The following TLR5 variants were observed in gnomAD, a reference collection of about 807,000 sequenced individuals.
The protein encoded by TLR5 is toll like receptor 5.
For synonymous variants in TLR5, 373 were observed against 384.4 expected, an observed-to-expected ratio of 0.97 and a Z score of 0.35; for missense variants, 944 against 999.8, an observed-to-expected ratio of 0.94 and a Z score of 0.75.
chr1:223,133,235 G>C (rs1432759644), intron 4 of TLR5, among the ~76,000 whole-genome samples: 1 of 152,216 alleles, frequency 6.6e-6, no homozygotes, highest in African/African-American at 2.4e-5. Context: ...GAGAGGTTAA[G>C]CACTTGTCTA....
rs1657233124 is a variant in TLR5 at position 223,127,871 on chromosome 1, TG to T, written c.-5+4603del. Reference sequence around the variant, plus strand: ...TGGAGCTCTGCAGACTCCAGAGCAGTGGTGCCCACAGTGCAGTCCGGGAACA... The same window carrying T: ...TGGAGCTCTGCAGACTCCAGAGCAGTGTGCCCACAGTGCAGTCCGGGAACA... On this transcript the variant is annotated intron_variant, in intron 5 of 5. Coordinates refer to ENST00000642603, the MANE Select transcript of TLR5 (RefSeq NM_003268.6). The T allele has an allele frequency of 2.6e-5, 4 of 152,564 alleles. No individual in the cohort carries two copies. In the South Asian group the frequency reaches 6.2e-4, roughly 24 times the overall value. The allele number at this position is 152,564 out of a possible 1,614,324, so 9.5% of individuals were successfully genotyped here.
chr1:223,113,657 G>A (rs1044003197), intron 5 of TLR5, among the ~76,000 whole-genome samples: 2 of 151,732 alleles, frequency 1.3e-5, no homozygotes, highest in Non-Finnish European at 2.9e-5. Flanking sequence ...TGGGGGTCTC[G>A]CTTTGTTGCC....
At chr1:223,122,039 G>C (rs1222608102) in intron 5 of TLR5, among the ~76,000 whole-genome samples, 2 of 152,128 alleles carry the variant, frequency 1.3e-5, no homozygotes, top group East Asian at 3.9e-4. Flanking sequence ...AAACCAATCA[G>C]GGCAGATGAG....
At chr1:223,113,908 A>G (rs1656497856) in intron 5 of TLR5, among the ~76,000 whole-genome samples, 1 of 152,224 alleles carries the variant, frequency 6.6e-6, no homozygotes, top group African/African-American at 2.4e-5. Context: ...AGCCCACAGA[A>G]AGCTCGGCTG....
At chr1:223,117,578 A>AG (rs1013268577) in intron 5 of TLR5, among the ~76,000 whole-genome samples, 6 of 151,620 alleles carry the variant, frequency 4.0e-5, no homozygotes, top group African/African-American at 1.5e-4. Context: ...AAAAAAAAAA[A>AG]AAAAAGAAAA....
At chr1:223,135,211 G>A (rs989433643) in intron 3 of TLR5, among the ~76,000 whole-genome samples, 2 of 152,194 alleles carry the variant, frequency 1.3e-5, no homozygotes, top group African/African-American at 4.8e-5. Context: ...GGATGAGGAT[G>A]CCCTGAGAGG....
intron 5 of TLR5, among the ~76,000 whole-genome samples, chr1:223,125,419 C>T (rs750957422): frequency 4.7e-4 from 71 of 152,182 alleles, no homozygotes; most frequent in Non-Finnish European, 6.0e-4. Context: ...CTAACGAGCT[C>T]AGGGACTTGG....
chr1:223,113,017 CAGGTG>C lies in TLR5; in HGVS notation c.10_14del (p.His4GlyfsTer22). 4 of 1,614,106 alleles carry C rather than the reference CAGGTG, an allele frequency of 2.5e-6. No homozygotes were observed. Among genetic ancestry groups the C allele is most frequent in the Admixed American group, 3.3e-5 (2 of 60,004 alleles). ...TGAGCACCACTCCTAGGAGAAGGTC[CAGGTG>C]GTCTCCCATGATCCTATGGAGAAGA... On this transcript the variant is annotated frameshift_variant, in exon 6 of 6. Transcript: ENST00000642603. LOFTEE classifies it low-confidence loss of function (END_TRUNC).
At position 223,112,513 on chromosome 1, in the gene TLR5, C is replaced by T; in HGVS notation, c.519G>A (p.Lys173=). The part of the protein sequence containing the change: ...HPSFGKLNSL[K]SIDFSSNQIF... ...TTTGGTTGGAGGAAAAATCTATGGA[C>T]TTTAAGGAATTCAACTTCCCAAATG... Residue 173 remains lysine, a synonymous_variant, in exon 6 of 6, where the codon AAG becomes AAA. Coordinates refer to ENST00000642603, the MANE Select transcript of TLR5 (RefSeq NM_003268.6). The T allele has an allele frequency of 6.2e-6, 10 of 1,614,204 alleles. No individual in the cohort carries two copies. Among genetic ancestry groups the T allele is most frequent in the South Asian group, 2.2e-5 (2 of 91,088 alleles).
At chr1:223,136,286 C>A (rs5744139) in intron 3 of TLR5, among the ~76,000 whole-genome samples, 2,749 of 152,260 alleles carry the variant, frequency 0.018, 87 homozygotes, top group East Asian at 0.091. Flanking sequence ...ACAAGAGTGC[C>A]TTCAGTGGTA....
In TLR5 at chr1:223,112,341, G is replaced by A. The variant is rs755123684; in HGVS notation, c.691C>T (p.Leu231=). Residue 231 remains leucine (L), a synonymous_variant, in exon 6 of 6, where the codon CTA becomes TTA. Coordinates refer to ENST00000642603, the MANE Select transcript of TLR5 (RefSeq NM_003268.6). ...NPFRNMVLEI[L]DVSGNGWTVD... ...GTCCAGCCATTTCCAGAAACATCTA[G>A]TATCTCCAGCACCATGTTTCTGAAT... 6.2e-7 allele frequency: 1 copy of A among 1,614,088 alleles called. No individual in the cohort carries two copies. Among genetic ancestry groups the A allele is most frequent in the African/African-American group, 1.3e-5 (1 of 74,940 alleles).
chr1:223,140,018 A>C (rs913253938), intron 2 of TLR5, among the ~76,000 whole-genome samples: 3 of 152,222 alleles, frequency 2.0e-5, no homozygotes, highest in Non-Finnish European at 4.4e-5. Flanking sequence ...AGTGAGTCAA[A>C]GATCCCTTAA....
intron 2 of TLR5, 48 bp downstream of exon 2, chr1:223,141,600 C>G (rs1456993832): frequency 1.3e-5 from 2 of 151,594 alleles, no homozygotes; most frequent in Admixed American, 6.6e-5. Context: ...TGGTGAAACC[C>G]CATTTCTACT....
chr1:223,138,364 G>T (rs2102941748), intron 2 of TLR5, among the ~76,000 whole-genome samples: 1 of 151,906 alleles, frequency 6.6e-6, no homozygotes, highest in African/African-American at 2.4e-5. Context: ...TCTTCCTTTG[G>T]CTTCCTTAGT....
intron 5 of TLR5, among the ~76,000 whole-genome samples, chr1:223,132,165 C>T (rs1466489968): frequency 6.6e-6 from 1 of 152,030 alleles, no homozygotes; most frequent in Non-Finnish European, 1.5e-5. Flanking sequence ...GAGTTCTATA[C>T]CACCCTGGGC....
chr1:223,113,647 T>TG (rs1171994994), intron 5 of TLR5, among the ~76,000 whole-genome samples: 1 of 152,114 alleles, frequency 6.6e-6, no homozygotes, highest in African/African-American at 2.4e-5. Context: ...AATATAGAGA[T>TG]GGGGGTCTCG....
At chr1:223,122,820 C>T (rs892831638) in intron 5 of TLR5, among the ~76,000 whole-genome samples, 7 of 152,188 alleles carry the variant, frequency 4.6e-5, no homozygotes, top group Non-Finnish European at 1.0e-4. Flanking sequence ...AACCCAGTTT[C>T]AGAGGATTTG....
Position 223,110,658 on chromosome 1 carries a change from C to T in TLR5, c.2374G>A (p.Val792Ile). ...AACTGGTACTGGGACAAGGACCCAA[C>T]CACCACCATGATGAGAGCACTGTTA... is the stretch of plus-strand genomic sequence containing the variant. ...DLNSALIMVV[V>I]GSLSQYQLMK... is the part of the protein sequence containing the mutation. Residue 792 changes from valine to isoleucine, a missense_variant, in exon 6 of 6, where the codon GTT becomes ATT. Physicochemically the swap from Val to Ile is conservative, Grantham distance 29. Transcript: ENST00000642603. 6.2e-7 allele frequency: 1 copy of T among 1,614,190 alleles called. No individual in the cohort carries two copies. The highest frequency in any genetic ancestry group is 1.1e-5 in the South Asian group (1 of 91,080).
At position 223,111,776 on chromosome 1, in the gene TLR5, G is replaced by A. The variant is rs769149443; in HGVS notation, c.1256C>T (p.Pro419Leu). ...GAGGTTCGCTGTAAGGTTGATCTTT[G>A]GCAAAGTCACTAGTTTATTGCCACT... Reference protein sequence around the residue: ...FLSGNKLVTLPKINLTANLIH... With the variant: ...FLSGNKLVTLLKINLTANLIH... Residue 419 changes from proline to leucine, a missense_variant, in exon 6 of 6, where the codon CCA becomes CTA. Transcript: ENST00000642603. 5 of 1,613,914 alleles carry A rather than the reference G, an allele frequency of 3.1e-6. No homozygotes were observed. The East Asian group carries it at 1.1e-4, about 36-fold the overall frequency.
Sources: gnomAD v4.1 joint callset for allele counts (sites outside exome capture counted in the v4.1 genomes callset) on GRCh38, gnomAD v4.1.1 for gene constraint, MANE v1.5 for transcripts, NCBI Gene and HGNC (gene_info 2026-07-23, HGNC 2026-07-21) for gene names.